The following INCENP variants were observed in gnomAD, a reference collection of about 807,000 sequenced individuals.
The protein encoded by INCENP is binds and activates aurora-B and -C in vivo and in vitro.
Under a neutral mutation model 107.3 loss-of-function variants are expected in INCENP, and 43 were observed. The observed-to-expected ratio is 0.40, with a 90% CI of 0.31 to 0.52. The LOEUF is 0.52. Ranked by LOEUF, INCENP falls within the 20% of genes least tolerant of loss-of-function variation. The probability of loss-of-function intolerance (pLI) is 0.53; values close to 1 mark genes in which losing one functional copy is unlikely to be tolerated. For missense variants in INCENP, 1,089 were observed against 1,250.9 expected, an observed-to-expected ratio of 0.87 and a Z score of 1.95; for synonymous variants, 488 against 494.4, an observed-to-expected ratio of 0.99 and a Z score of 0.17.
chr11:62,149,497 G>A (rs756506852), intron 17 of INCENP, among the ~76,000 whole-genome samples: 1 of 152,174 alleles, frequency 6.6e-6, no homozygotes, highest in Non-Finnish European at 1.5e-5. Context: ...GGATGGTTAC[G>A]TTGCAAATCC....
At chr11:62,139,364 G>T (rs1255841856) in intron 7 of INCENP, among the ~76,000 whole-genome samples, 2 of 152,132 alleles carry the variant, frequency 1.3e-5, no homozygotes, top group Non-Finnish European at 2.9e-5. Context: ...CTGGCCTCCT[G>T]CTTTGCCTCC....
Position 62,124,030 on chromosome 11 carries a change from C to G in INCENP, c.-145C>G, listed in dbSNP as rs143890868. 1 of 152,262 alleles carries G rather than the reference C, an allele frequency of 6.6e-6. No individual in the cohort carries two copies. The highest frequency in any genetic ancestry group is 1.5e-5 in the Non-Finnish European group (1 of 68,080). The allele number at this position is 152,262 out of a possible 1,614,324, so 9.4% of individuals were successfully genotyped here. A position where few individuals can be genotyped will look rare whatever the true frequency, so the allele number is the denominator to read the frequency against. Reference sequence around the variant, plus strand: ...AAAATCATAGTTTTCGCCCGCGCTGCGCCGCCTGGTTGCTCCTCCCGTGCG... The same window carrying G: ...AAAATCATAGTTTTCGCCCGCGCTGGGCCGCCTGGTTGCTCCTCCCGTGCG... On this transcript the variant is annotated 5_prime_UTR_variant, in exon 1 of 19. Transcript: ENST00000394818.
intron 4 of INCENP, among the ~76,000 whole-genome samples, chr11:62,131,426 G>A (rs1943891385): frequency 6.6e-6 from 1 of 152,236 alleles, no homozygotes; most frequent in Admixed American, 6.5e-5. Context: ...GGGGGCCATT[G>A]CCCACTGGAG....
chr11:62,143,611 C>T (rs1272330822), intron 11 of INCENP, among the ~76,000 whole-genome samples: 2 of 152,212 alleles, frequency 1.3e-5, no homozygotes, highest in African/African-American at 4.8e-5. Context: ...TCCACTCCAT[C>T]TTACCCGTTC....
rs1459287957 is a variant in INCENP, at chr11:62,141,039, C to A, written c.1588C>A (p.Pro530Thr). 6.2e-7 allele frequency: 1 copy of A among 1,613,252 alleles called. No homozygotes were observed. The highest frequency in any genetic ancestry group is 1.7e-5 in the Admixed American group (1 of 59,852). Residue 530 changes from proline to threonine, a missense_variant, in exon 10 of 19, where the codon CCC (proline) becomes ACC (threonine). Physicochemically the swap from Pro to Thr is conservative, Grantham distance 38 (BLOSUM62 -1). Coordinates refer to ENST00000394818, the MANE Select transcript of INCENP (RefSeq NM_001040694.2). ...GCGCAACACTCCCCTGCGCATGGAC[C>A]CCAAGGTGAGGGGCCTGTGCCCAGG... ...IKRNTPLRMD[P>T]KCSFVEKERQ...
intron 4 of INCENP, 45 bp downstream of exon 4, chr11:62,130,635 G>A: frequency 6.5e-7 from 1 of 1,539,474 alleles, no homozygotes; most frequent in Admixed American, 1.8e-5. Context: ...TTGGTGCCAG[G>A]CTCAGATGGA....
chr11:62,145,787 C>T lies in INCENP; in HGVS notation c.1959+36C>T, dbSNP rs377435046. ...AGGTGGGCCTCAGGGAGGAGGTGGG[C>T]GGGGTGGGCGCTGTCTCAGCACCAT... On this transcript the variant is annotated intron_variant, in intron 14 of 18. Transcript: ENST00000394818. 3.1e-4 allele frequency: 479 copies of T among 1,538,110 alleles called. No individual in the cohort carries two copies. The African/African-American group carries it at 3.5e-3, about 11-fold the overall frequency.
intron 13 of INCENP, 80 bp downstream of exon 13, chr11:62,145,369 G>GA: frequency 6.3e-7 from 1 of 1,585,836 alleles, no homozygotes. Context: ...GGAAATTGCA[G>GA]ATTTGTCACT....
Position 62,128,226 on chromosome 11 carries a change from T to A in INCENP, c.65T>A (p.Phe22Tyr), listed in dbSNP as rs1943799161. The change falls in exon 2 of 19, where the codon TTT becomes TAT. Residue 22 changes from phenylalanine (F) to tyrosine (Y), a missense_variant. Phe to Tyr is a conservative substitution (Grantham distance 22). Coordinates refer to ENST00000394818, the MANE Select transcript of INCENP (RefSeq NM_001040694.2). ...CTATGTGACCAGAAGCTCATGGAGT[T>A]TCTCTGCAACATGGATAATAAGGAC... is the stretch of plus-strand genomic sequence containing the variant. ...LELCDQKLMEFLCNMDNKDLV... is the reference protein window; with the variant it reads ...LELCDQKLMEYLCNMDNKDLV... The A allele has an allele frequency of 6.2e-7, 1 of 1,614,050 alleles. No individual in the cohort carries two copies. The highest frequency in any genetic ancestry group is 8.5e-7 in the Non-Finnish European group (1 of 1,180,032).
In INCENP at chr11:62,137,893, G is replaced by A; in HGVS notation, c.1115+10G>A. On this transcript the variant is annotated intron_variant, in intron 5 of 18. Transcript: ENST00000394818. ...TGCCCCAGAAAGTTGGGTGAGTTCA[G>A]TTCCAGGGCTTCGGAGGTAGGCAGG... The A allele has an allele frequency of 6.2e-7, 1 of 1,613,272 alleles. No homozygotes were observed. Among genetic ancestry groups the A allele is most frequent in the Middle Eastern group, 1.7e-4 (1 of 6,054 alleles).
At chr11:62,148,449 C>T (rs200961559) in intron 15 of INCENP, 27 bp from the exon 16 acceptor site, 19 of 1,585,264 alleles carry the variant, frequency 1.2e-5, no homozygotes, top group Admixed American at 5.5e-5. Flanking sequence ...CACTTCCTGT[C>T]CTAACAGGCT....
At chr11:62,132,513 G>T (rs1237937622) in intron 4 of INCENP, among the ~76,000 whole-genome samples, 1 of 152,234 alleles carries the variant, frequency 6.6e-6, no homozygotes, top group Non-Finnish European at 1.5e-5. Context: ...TTCTCAGAAG[G>T]ATCTAAATGG....
chr11:62,147,006 G>A, intron 15 of INCENP, 104 bp downstream of exon 15: 2 of 1,527,260 alleles, frequency 1.3e-6, no homozygotes, highest in South Asian at 2.5e-5. Context: ...CGGTTTGCAG[G>A]TGCTTTCCTT....
Position 62,140,941 on chromosome 11 carries a change from A to G in INCENP, c.1490A>G (p.His497Arg). 1 of 1,614,210 alleles carries G rather than the reference A, an allele frequency of 6.2e-7. No individual in the cohort carries two copies. The highest frequency in any genetic ancestry group is 1.1e-5 in the South Asian group (1 of 91,088). ...GTACGGCCCCTCCGGACCTTTCTGC[A>G]CACAGTGCAGAGGAACCAGATGCTC... ...KVVRPLRTFL[H>R]TVQRNQMLMT... is the part of the protein sequence containing the mutation. The change falls in exon 10 of 19, where the codon CAC becomes CGC. Residue 497 changes from histidine to arginine, a missense_variant. Transcript: ENST00000394818.
At chr11:62,146,493 G>A (rs1353247079) in intron 14 of INCENP, among the ~76,000 whole-genome samples, 165 bp from the exon 15 acceptor site, 1 of 152,238 alleles carries the variant, frequency 6.6e-6, no homozygotes, top group African/African-American at 2.4e-5. Context: ...GCTGCTGCTG[G>A]TGGTTCTGGC....
chr11:62,126,208 T>TTTTTTC (rs60371396), intron 1 of INCENP, among the ~76,000 whole-genome samples: 6,549 of 88,862 alleles, frequency 0.074, 161 homozygotes, highest in Non-Finnish European at 0.11. Flanking sequence ...TGGTTTTTTT[T>TTTTTTC]TTTTTGAGAT....
At chr11:62,139,095 GC>G in intron 7 of INCENP, 90 bp downstream of exon 7, 1 of 904,798 alleles carries the variant, frequency 1.1e-6, no homozygotes, top group Admixed American at 1.8e-5. Context: ...GGATAAGGAA[GC>G]CCCATTTTCT....
intron 10 of INCENP, among the ~76,000 whole-genome samples, chr11:62,141,246 G>T (rs1298284415): frequency 6.6e-6 from 1 of 152,226 alleles, no homozygotes; most frequent in Non-Finnish European, 1.5e-5. Context: ...GACCTTGTGG[G>T]CTCTGGACTA....
At chr11:62,138,845 G>A (rs745972722) in intron 6 of INCENP, 43 bp from the exon 7 acceptor site, 3 of 1,605,196 alleles carry the variant, frequency 1.9e-6, no homozygotes, top group Non-Finnish European at 1.7e-6. Flanking sequence ...CCTGGGCCTT[G>A]GGTTCCAGGT....
Sources: gnomAD v4.1 joint callset for allele counts (sites outside exome capture counted in the v4.1 genomes callset) on GRCh38, gnomAD v4.1.1 for gene constraint, MANE v1.5 for transcripts, NCBI Gene and HGNC (gene_info 2026-07-23, HGNC 2026-07-21) for gene names.